Variants in GRID2 observed in about 807,000 individuals in gnomAD.
The protein encoded by GRID2 is glutamate receptor ionotropic, delta-2.
Under a neutral mutation model 114.8 loss-of-function variants are expected in GRID2, and 33 were observed. The ratio of observed to expected loss-of-function variants is 0.29; its 90% CI spans 0.22 to 0.38. The LOEUF (loss-of-function observed/expected upper bound fraction) is 0.38, where lower values mean the gene tolerates loss of function less well. GRID2 is among the 10% of genes least tolerant of loss of function. The pLI is 1.00. For missense variants in GRID2, 1,184 were observed against 1,257.7 expected (o/e 0.94, Z 0.89); for synonymous variants, 505 against 449.9 (o/e 1.12, Z -1.55).
intron 14 of GRID2, among the ~76,000 whole-genome samples, chr4:93,704,354 T>C (rs1045276204): frequency 6.6e-6 from 1 of 152,208 alleles, no homozygotes; most frequent in Non-Finnish European, 1.5e-5. Context: ...TTTGTTTTTT[T>C]CTTGTAAATT....
intron 4 of GRID2, among the ~76,000 whole-genome samples, chr4:93,120,443 C>T (rs1733675350): frequency 6.6e-6 from 1 of 152,100 alleles, no homozygotes; most frequent in South Asian, 2.1e-4. Flanking sequence ...ATGCCCTTTG[C>T]AGCGAGATGG....
At chr4:92,554,276 ATAAG>A (rs373419290) in intron 1 of GRID2, among the ~76,000 whole-genome samples, 2 of 152,322 alleles carry the variant, frequency 1.3e-5, no homozygotes, top group Non-Finnish European at 2.9e-5. Context: ...GATGCCGTCT[ATAAG>A]AAAGAAACAG....
At position 93,099,029 on chromosome 4, in the gene GRID2, A is replaced by G. The variant is rs200708574; in HGVS notation, c.530-11719A>G. Among the ~76,000 whole-genome samples the G allele has an allele frequency of 6.6e-3, 489 of 74,410 alleles. 3 individuals are homozygous for G. The East Asian group carries it at 0.073, about 11-fold the overall frequency. The allele number at this position is 74,410 out of a possible 152,430, so 48.8% of individuals were successfully genotyped here. A position where few individuals can be genotyped will look rare whatever the true frequency, so the allele number is the denominator to read the frequency against. ...TGTGTGTGTGTGTGTGTGTGTGTGT[A>G]TGATACACATAGGGATTTTTATCCA... On this transcript the variant is annotated intron_variant, in intron 3 of 15. Coordinates refer to ENST00000282020, the MANE Select transcript of GRID2 (RefSeq NM_001510.4).
chr4:92,407,804 T>C (rs1333247275), intron 1 of GRID2, among the ~76,000 whole-genome samples: 1 of 152,174 alleles, frequency 6.6e-6, no homozygotes, highest in Non-Finnish European at 1.5e-5. Flanking sequence ...TGTTGATTTG[T>C]TTAAGTTCCT....
chr4:92,697,768 C>G (rs1207420552), intron 2 of GRID2, among the ~76,000 whole-genome samples: 1 of 152,008 alleles, frequency 6.6e-6, no homozygotes, highest in Non-Finnish European at 1.5e-5. Context: ...ACAGCACACT[C>G]TTAATTGATA....
At chr4:93,546,276 C>T (rs1733202016) in intron 13 of GRID2, among the ~76,000 whole-genome samples, 1 of 152,052 alleles carries the variant, frequency 6.6e-6, no homozygotes, top group African/African-American at 2.4e-5. Flanking sequence ...AGTAAAGCGG[C>T]AATTAGAAGA....
At chr4:93,349,882 A>G (rs1760622655) in intron 8 of GRID2, among the ~76,000 whole-genome samples, 1 of 152,104 alleles carries the variant, frequency 6.6e-6, no homozygotes, top group African/African-American at 2.4e-5. Context: ...AATTATGATA[A>G]AATAAATAAA....
intron 14 of GRID2, among the ~76,000 whole-genome samples, chr4:93,734,065 T>C (rs1021683166): frequency 3.3e-5 from 5 of 152,068 alleles, no homozygotes; most frequent in Admixed American, 3.3e-4. Context: ...ACTCTGCTTC[T>C]TTCTGCTGGT....
chr4:93,490,902 A>G (rs761577560), intron 12 of GRID2, 125 bp downstream of exon 12: 5 of 630,444 alleles, frequency 7.9e-6, no homozygotes, highest in Admixed American at 5.8e-5. Context: ...TAAAGGATCA[A>G]TTTTGTGTTA....
intron 1 of GRID2, among the ~76,000 whole-genome samples, chr4:92,548,119 T>G (rs1726366308): frequency 6.6e-6 from 1 of 152,054 alleles, no homozygotes; most frequent in African/African-American, 2.4e-5. Context: ...AAGTTTAACA[T>G]GGTCACTAAG....
intron 2 of GRID2, among the ~76,000 whole-genome samples, chr4:92,947,095 G>A (rs1267169301): frequency 1.3e-5 from 2 of 152,056 alleles, no homozygotes; most frequent in Non-Finnish European, 2.9e-5. Context: ...AGATGTTTGA[G>A]GAGGATATAA....
chr4:93,730,860 C>A (rs553594761), intron 14 of GRID2, among the ~76,000 whole-genome samples: 1 of 152,294 alleles, frequency 6.6e-6, no homozygotes, highest in South Asian at 2.1e-4. Context: ...AATGATGGCA[C>A]TGGGGGTAGG....
At chr4:92,347,324 T>C (rs1392434685) in intron 1 of GRID2, among the ~76,000 whole-genome samples, 3 of 152,204 alleles carry the variant, frequency 2.0e-5, no homozygotes, top group Non-Finnish European at 4.4e-5. Flanking sequence ...GCACATGCAA[T>C]ATGTGTGTGT....
intron 10 of GRID2, among the ~76,000 whole-genome samples, chr4:93,450,534 T>C (rs1175013361): frequency 1.3e-5 from 2 of 151,790 alleles, no homozygotes; most frequent in East Asian, 1.9e-4. Flanking sequence ...CATATAATCA[T>C]TTATTTTAGA....
intron 13 of GRID2, among the ~76,000 whole-genome samples, chr4:93,611,896 T>C (rs1291398628): frequency 1.3e-5 from 2 of 151,488 alleles, no homozygotes; most frequent in African/African-American, 4.9e-5. Flanking sequence ...CATGGATCTG[T>C]CTAATGTTGA....
At chr4:93,796,017 C>T (rs1442799603) in intron 1 of GRID2, among the ~76,000 whole-genome samples, 1 of 152,102 alleles carries the variant, frequency 6.6e-6, no homozygotes, top group Non-Finnish European at 1.5e-5. Flanking sequence ...GAATTCAGTT[C>T]CTTGCACTGA....
chr4:93,309,568 A>C (rs1755791428), intron 8 of GRID2, among the ~76,000 whole-genome samples: 2 of 151,396 alleles, frequency 1.3e-5, no homozygotes, highest in South Asian at 4.1e-4. Flanking sequence ...ATAATAAATA[A>C]AAAAGAAGAA....
intron 12 of GRID2, among the ~76,000 whole-genome samples, chr4:93,512,865 C>G (rs1729333473): frequency 6.6e-6 from 1 of 152,214 alleles, no homozygotes; most frequent in South Asian, 2.1e-4. Flanking sequence ...GAAACCTGAT[C>G]ATATTAAAGA....
intron 13 of GRID2, among the ~76,000 whole-genome samples, chr4:93,586,223 T>C (rs1386852243): frequency 6.6e-6 from 1 of 152,124 alleles, no homozygotes; most frequent in Non-Finnish European, 1.5e-5. Flanking sequence ...ACCCGTATCA[T>C]TCAACCAGTT....
Sources: gnomAD v4.1 joint callset for allele counts (sites outside exome capture counted in the v4.1 genomes callset) on GRCh38, gnomAD v4.1.1 for gene constraint, MANE v1.5 for transcripts, NCBI Gene and HGNC (gene_info 2026-07-23, HGNC 2026-07-21) for gene names.